MAD1L1: variants seen among roughly 807,000 people sequenced by gnomAD.
MAD1L1 encodes the protein mitotic spindle assembly checkpoint protein MAD1.
A neutral mutation model predicts 96.9 loss-of-function variants in MAD1L1; 95 were observed. The observed-to-expected ratio is 0.98, with a 90% CI of 0.83 to 1.16. The LOEUF is 1.16. MAD1L1 is among the 50% of genes most tolerant of loss of function. The probability of loss-of-function intolerance (pLI) is 0.00; values close to 1 mark genes in which losing one functional copy is unlikely to be tolerated. For synonymous variants in MAD1L1, 473 were observed against 396.6 expected, an observed-to-expected ratio of 1.19 and a Z score of -2.29; for missense variants, 1,007 against 954.4, an observed-to-expected ratio of 1.06 and a Z score of -0.73.
chr7:2,149,317 A>T (rs2128580131), intron 10 of MAD1L1, 79 bp from the exon 11 acceptor site: 1 of 1,114,748 alleles, frequency 9.0e-7, no homozygotes, highest in Non-Finnish European at 1.4e-6. Flanking sequence ...ACAGAAGGCC[A>T]AAAGCAACCT....
At chr7:1,928,092 GA>G (rs1789193019) in intron 17 of MAD1L1, among the ~76,000 whole-genome samples, 1 of 152,086 alleles carries the variant, frequency 6.6e-6, no homozygotes, top group Non-Finnish European at 1.5e-5. Flanking sequence ...CGGAGCCCAC[GA>G]CGGAACACCT....
intron 11 of MAD1L1, among the ~76,000 whole-genome samples, chr7:2,099,303 G>C (rs1403257173): frequency 6.6e-6 from 1 of 152,218 alleles, no homozygotes; most frequent in Admixed American, 6.5e-5. Context: ...ACTGTGGAGG[G>C]TGCAGGTCAG....
chr7:1,994,832 A>G (rs1230067651), intron 14 of MAD1L1, among the ~76,000 whole-genome samples: 1 of 152,192 alleles, frequency 6.6e-6, no homozygotes, highest in Non-Finnish European at 1.5e-5. Flanking sequence ...AAATGTCTGC[A>G]AGGGTTTTGT....
chr7:1,998,820 C>G (rs1016558245), intron 14 of MAD1L1, among the ~76,000 whole-genome samples: 3 of 151,692 alleles, frequency 2.0e-5, no homozygotes, highest in African/African-American at 7.3e-5. Flanking sequence ...CCAGACCCCA[C>G]AGTCCACAGA....
chr7:2,008,364 C>CT (rs1782131422), intron 13 of MAD1L1, among the ~76,000 whole-genome samples: 2 of 152,356 alleles, frequency 1.3e-5, no homozygotes, highest in East Asian at 3.9e-4. Context: ...GGACAGTGCA[C>CT]TTTAGCACTG....
chr7:2,213,093 C>T (rs559128241), intron 10 of MAD1L1, 119 bp downstream of exon 10: 229 of 1,049,912 alleles, frequency 2.2e-4, no homozygotes, highest in African/African-American at 7.9e-4. Flanking sequence ...ACAAATGCCC[C>T]GCACCAGCCA....
chr7:2,077,686 C>T lies in MAD1L1; in HGVS notation c.1074-8348G>A, dbSNP rs576894719. Reference sequence around the variant, plus strand: ...AAAAGCAGTGCCGTTCTGCAGGAGGCGCGCGGGAGCAGGAGACAAGGATCC... The same window carrying T: ...AAAAGCAGTGCCGTTCTGCAGGAGGTGCGCGGGAGCAGGAGACAAGGATCC... On this transcript the variant is annotated intron_variant, in intron 11 of 18. Coordinates refer to ENST00000265854, the MANE Select transcript of MAD1L1 (RefSeq NM_001013836.2). Among the ~76,000 whole-genome samples the T allele has an allele frequency of 3.6e-4, 55 of 152,340 alleles. 1 individual carries two copies. Among genetic ancestry groups the T allele is most frequent in the East Asian group, 1.7e-3 (9 of 5,192 alleles).
At chr7:2,055,693 C>G (rs1235873161) in intron 12 of MAD1L1, among the ~76,000 whole-genome samples, 1 of 140,142 alleles carries the variant, frequency 7.1e-6, no homozygotes, top group East Asian at 2.1e-4. Flanking sequence ...AAAAAAAAAT[C>G]TAGGACCAGG....
intron 10 of MAD1L1, among the ~76,000 whole-genome samples, chr7:2,193,642 A>G (rs989772615): frequency 2.0e-5 from 3 of 152,252 alleles, no homozygotes; most frequent in Non-Finnish European, 4.4e-5. Flanking sequence ...TAAGGGTTTT[A>G]TCCCTTCAAA....
At chr7:1,986,871 C>G (rs530530918) in intron 14 of MAD1L1, among the ~76,000 whole-genome samples, 1 of 152,188 alleles carries the variant, frequency 6.6e-6, no homozygotes, top group South Asian at 2.1e-4. Flanking sequence ...CAACTGTATT[C>G]TCAGAGTAGC....
At chr7:2,178,514 G>A (rs1459455135) in intron 10 of MAD1L1, among the ~76,000 whole-genome samples, 1 of 152,226 alleles carries the variant, frequency 6.6e-6, no homozygotes, top group African/African-American at 2.4e-5. Flanking sequence ...AGGATACTGG[G>A]AGGACCTCAA....
At chr7:1,824,261 G>A (rs1286740737) in intron 18 of MAD1L1, among the ~76,000 whole-genome samples, 2 of 152,176 alleles carry the variant, frequency 1.3e-5, no homozygotes, top group Non-Finnish European at 2.9e-5. Flanking sequence ...CAGAGCTGCC[G>A]ACATCGGGGG....
At chr7:1,971,154 G>A (rs769598249) in intron 15 of MAD1L1, among the ~76,000 whole-genome samples, 8 of 152,186 alleles carry the variant, frequency 5.3e-5, no homozygotes, top group Non-Finnish European at 8.8e-5. Flanking sequence ...CTCGATCAAC[G>A]TGGAGATGCA....
chr7:1,967,954 G>A (rs943024469), intron 15 of MAD1L1, among the ~76,000 whole-genome samples: 4 of 150,638 alleles, frequency 2.7e-5, no homozygotes, highest in South Asian at 4.2e-4. Context: ...GTCCTGGTGC[G>A]TGCACCAGAT....
intron 18 of MAD1L1, among the ~76,000 whole-genome samples, chr7:1,887,538 G>A (rs1481491148): frequency 7.2e-6 from 1 of 138,254 alleles, no homozygotes; most frequent in South Asian, 2.4e-4. Context: ...TCTGCATGTG[G>A]CTGCCTGTGC....
At chr7:2,001,458 G>A (rs1781789402) in intron 14 of MAD1L1, among the ~76,000 whole-genome samples, 1 of 152,268 alleles carries the variant, frequency 6.6e-6, no homozygotes, top group Admixed American at 6.5e-5. Context: ...AACCAGGAGA[G>A]CCTGCCTGGT....
At chr7:2,157,907 C>T (rs1034236898) in intron 10 of MAD1L1, among the ~76,000 whole-genome samples, 1 of 152,094 alleles carries the variant, frequency 6.6e-6, no homozygotes, top group African/African-American at 2.4e-5. Context: ...CAGGAGGAGC[C>T]GTGCCAAGTA....
At chr7:1,894,904 C>A (rs957326475) in intron 18 of MAD1L1, among the ~76,000 whole-genome samples, 4 of 152,058 alleles carry the variant, frequency 2.6e-5, no homozygotes, top group Admixed American at 2.6e-4. Context: ...AAGAACCAGG[C>A]ACCCAGCAGT....
At chr7:2,063,682 T>C (rs1458405168) in intron 12 of MAD1L1, among the ~76,000 whole-genome samples, 1 of 152,188 alleles carries the variant, frequency 6.6e-6, no homozygotes, top group East Asian at 1.9e-4. Context: ...TGGGCCCATT[T>C]CTAAATCGCT....
Sources: allele counts gnomAD v4.1 joint callset (sites outside exome capture counted in the v4.1 genomes callset), GRCh38; gene constraint gnomAD v4.1.1; transcripts MANE v1.5; gene names NCBI Gene and HGNC (gene_info 2026-07-23, HGNC 2026-07-21).